The following SVIL variants were observed in gnomAD, a reference collection of about 807,000 sequenced individuals.
The protein encoded by SVIL is supervillin.
Under a neutral mutation model 240.4 loss-of-function variants are expected in SVIL, and 101 were observed. That is an observed-to-expected ratio of 0.42 (90% CI 0.36 to 0.50). SVIL has a LOEUF of 0.50. SVIL is among the 20% of genes least tolerant of loss of function. The probability of loss-of-function intolerance (pLI) is 0.01; values close to 1 mark genes in which losing one functional copy is unlikely to be tolerated. For synonymous variants in SVIL, 999 were observed against 1,100.0 expected (o/e 0.91, Z 1.82); for missense variants, 2,512 against 2,818.7 (o/e 0.89, Z 2.46).
At chr10:29,489,389 CAT>C (rs1291057564) in intron 22 of SVIL, among the ~76,000 whole-genome samples, 1 of 152,174 alleles carries the variant, frequency 6.6e-6, no homozygotes, top group Non-Finnish European at 1.5e-5. Context: ...GCAGAGGAAA[CAT>C]ATGTAAAATC....
rs528481750 is a variant in SVIL at position 29,490,309 on chromosome 10, C to T, written c.4192+538G>A. ...TGTTTTACTATAAGAGATCAAATAA[C>T]TCTTTTACTATAAGAGATCAAACGA... On this transcript the variant is annotated intron_variant, in intron 22 of 37. Transcript: ENST00000355867. Among the ~76,000 whole-genome samples the T allele has an allele frequency of 5.3e-5, 8 of 152,242 alleles. No individual in the cohort carries two copies. The South Asian group carries it at 1.7e-3, about 32-fold the overall frequency.
At chr10:29,637,873 A>T (rs1958362761), upstream of SVIL, among the ~76,000 whole-genome samples, 3 of 152,192 alleles carry the variant, frequency 2.0e-5, no homozygotes, top group African/African-American at 7.2e-5. Flanking sequence ...AAAATGTTAG[A>T]TACTATACGA....
At chr10:29,475,502 A>G (rs1051227541) in intron 29 of SVIL, 7 of 152,238 alleles carry the variant, frequency 4.6e-5, no homozygotes, top group African/African-American at 1.7e-4. Flanking sequence ...CTAATAAACA[A>G]AGAGACGAGC....
upstream of SVIL, among the ~76,000 whole-genome samples, chr10:29,639,526 A>G (rs1958418493): frequency 7.0e-6 from 1 of 142,098 alleles, no homozygotes; most frequent in Non-Finnish European, 1.5e-5. Context: ...CTGGAGTGTA[A>G]TGCACGATCT....
In SVIL at chr10:29,480,672, C is replaced by CA; in HGVS notation, c.5241dup (p.Glu1748Ter). 6.2e-7 allele frequency: 1 copy of CA among 1,614,216 alleles called. No homozygotes were observed. The highest frequency in any genetic ancestry group is 1.1e-5 in the South Asian group (1 of 91,090). Reference sequence around the variant, plus strand: ...ACATCCACGGAAACGCTGGTGATCTCAAACTGCCTCCTGTCGTGTCCTTCC... The same window carrying CA: ...ACATCCACGGAAACGCTGGTGATCTCAAAACTGCCTCCTGTCGTGTCCTTCC... On this transcript the variant is annotated frameshift_variant, in exon 29 of 38. Coordinates refer to ENST00000355867, the MANE Select transcript of SVIL (RefSeq NM_021738.3). LOFTEE classifies it high-confidence loss of function.
chr10:29,493,303 T>G lies in SVIL; in HGVS notation c.3930A>C (p.Lys1310Asn), dbSNP rs752620808. 3 of 1,614,110 alleles carry G rather than the reference T, an allele frequency of 1.9e-6. No individual in the cohort carries two copies. Among genetic ancestry groups the G allele is most frequent in the Non-Finnish European group, 2.5e-6 (3 of 1,180,034 alleles). The change falls in exon 21 of 38, where the codon AAA becomes AAC. Residue 1310 changes from lysine to asparagine, a missense_variant. Lys to Asn is a moderately conservative substitution (Grantham distance 94). Coordinates refer to ENST00000355867, the MANE Select transcript of SVIL (RefSeq NM_021738.3). ...MKPDDDETFA[K>N]FYRSVDYNMP... ...TATTATAATCCACGCTGCGGTAAAA[T>G]TTGGCAAAGGTTTCATCATCATCTG... is the stretch of plus-strand genomic sequence containing the variant.
chr10:29,580,977 G>A (rs1265445904), intron 1 of SVIL, among the ~76,000 whole-genome samples: 1 of 152,176 alleles, frequency 6.6e-6, no homozygotes, highest in Non-Finnish European at 1.5e-5. Context: ...ACAGTATAGG[G>A]GAGTGTGATA....
At chr10:29,620,314 A>C (rs1418013511) in intron 1 of SVIL, among the ~76,000 whole-genome samples, 3 of 152,050 alleles carry the variant, frequency 2.0e-5, no homozygotes, top group Non-Finnish European at 1.5e-5. Context: ...AAAAGGAAGG[A>C]AAAGAAAAGA....
chr10:29,670,001 G>C (rs992164570), intron 2 of SVIL, among the ~76,000 whole-genome samples: 1 of 151,960 alleles, frequency 6.6e-6, no homozygotes, highest in Non-Finnish European at 1.5e-5. Context: ...TGTAGTCCCA[G>C]CCACCTGGGA....
chr10:29,513,341 C>T (rs1464719555), intron 16 of SVIL, among the ~76,000 whole-genome samples: 2 of 152,210 alleles, frequency 1.3e-5, no homozygotes, highest in African/African-American at 2.4e-5. Context: ...GAAGCTGAGG[C>T]AGGTGGATCA....
chr10:29,641,631 T>G (rs1168534049), intron 3 of SVIL, among the ~76,000 whole-genome samples: 1 of 152,144 alleles, frequency 6.6e-6, no homozygotes, highest in Non-Finnish European at 1.5e-5. Flanking sequence ...TGTAAGACTA[T>G]ACTTAGAATC....
At chr10:29,707,873 C>A (rs10159468) in intron 1 of SVIL, among the ~76,000 whole-genome samples, 1 of 151,932 alleles carries the variant, frequency 6.6e-6, no homozygotes, top group East Asian at 1.9e-4. Context: ...AAAATGAAGG[C>A]TTAGAACAGT....
At chr10:29,638,807 G>T (rs1464388576), upstream of SVIL, among the ~76,000 whole-genome samples, 1 of 152,054 alleles carries the variant, frequency 6.6e-6, no homozygotes. Flanking sequence ...AATACCTAGG[G>T]CCCATCCAAA....
At chr10:29,551,492 G>A (rs1953330034) in intron 5 of SVIL, among the ~76,000 whole-genome samples, 1 of 152,234 alleles carries the variant, frequency 6.6e-6, no homozygotes, top group African/African-American at 2.4e-5. Flanking sequence ...CGTTCTGCAA[G>A]CCCCGTAAGG....
intron 2 of SVIL, among the ~76,000 whole-genome samples, chr10:29,567,391 T>C (rs924705976): frequency 2.3e-4 from 35 of 152,264 alleles, no homozygotes; most frequent in Non-Finnish European, 3.2e-4. Flanking sequence ...TTACAAGATA[T>C]GGGAGACGAA....
intron 1 of SVIL, among the ~76,000 whole-genome samples, chr10:29,582,604 A>T (rs1955993149): frequency 1.3e-5 from 2 of 152,102 alleles, no homozygotes; most frequent in East Asian, 3.9e-4. Context: ...GCCAGGAATG[A>T]TGGTGTAGTT....
At chr10:29,492,148 C>A (rs1209915016) in intron 21 of SVIL, among the ~76,000 whole-genome samples, 1 of 152,082 alleles carries the variant, frequency 6.6e-6, no homozygotes, top group Non-Finnish European at 1.5e-5. Context: ...CCTCACTGCA[C>A]CCCCATCGTG....
intron 3 of SVIL, among the ~76,000 whole-genome samples, chr10:29,645,537 T>G (rs1036393179): frequency 2.0e-5 from 3 of 152,022 alleles, no homozygotes; most frequent in Non-Finnish European, 4.4e-5. Flanking sequence ...GCCACTGAAC[T>G]CCAGCCTGGG....
chr10:29,485,444 T>G (rs1017206031), intron 26 of SVIL, among the ~76,000 whole-genome samples: 1 of 152,278 alleles, frequency 6.6e-6, no homozygotes, highest in Non-Finnish European at 1.5e-5. Context: ...CAAATTTTGC[T>G]TAACTCTAAA....
Sources: allele counts gnomAD v4.1 joint callset (sites outside exome capture counted in the v4.1 genomes callset), GRCh38; gene constraint gnomAD v4.1.1; transcripts MANE v1.5; gene names NCBI Gene and HGNC (gene_info 2026-07-23, HGNC 2026-07-21).